Variants in ATOX1 observed in about 807,000 individuals in gnomAD.
ATOX1 encodes antioxidant 1 copper chaperone, also known as copper transport protein ATOX1.
ATOX1 carries 4 observed loss-of-function variants against 7.3 expected under a neutral mutation model. The ratio of observed to expected loss-of-function variants is 0.55; its 90% confidence interval spans 0.27 to 1.25. The LOEUF (loss-of-function observed/expected upper bound fraction) is 1.25. ATOX1 is among the 50% of genes most tolerant of loss of function. ATOX1 has a pLI of 0.12. For missense variants in ATOX1, 68 were observed against 81.6 expected, an observed-to-expected ratio of 0.83 and a Z score of 0.64; for synonymous variants, 25 against 28.7, an observed-to-expected ratio of 0.87 and a Z score of 0.41.
At chr5:151,754,884 T>G (rs1761993845) in intron 1 of ATOX1, among the ~76,000 whole-genome samples, 1 of 147,334 alleles carries the variant, frequency 6.8e-6, no homozygotes. Context: ...CTCAAGAGGC[T>G]GAGGCAGGAG....
At position 151,746,529 on chromosome 5, in the gene ATOX1, A is replaced by G. The variant is rs1761881427; in HGVS notation, c.83-80T>C. The G allele has an allele frequency of 3.8e-6, 6 of 1,575,284 alleles. No individual in the cohort carries two copies. In the South Asian group the frequency reaches 4.5e-5, roughly 12 times the overall value. On this transcript the variant is annotated intron_variant, in intron 2 of 3. Transcript: ENST00000313115. ...CAGCAAGAAAGAGTTCAGGCTCTAA[A>G]TTACTACTCACAACCACCCTTGCCC...
At chr5:151,749,574 C>T (rs1248867061) in intron 2 of ATOX1, among the ~76,000 whole-genome samples, 1 of 151,278 alleles carries the variant, frequency 6.6e-6, no homozygotes, top group Non-Finnish European at 1.5e-5. Context: ...TCGCTTGAAC[C>T]CGGGGCAGAG....
intron 1 of ATOX1, chr5:151,752,442 A>G: frequency 2.9e-6 from 2 of 693,550 alleles, no homozygotes; most frequent in Non-Finnish European, 5.2e-6. Context: ...TAAGCTCTAC[A>G]TTCTACAGTC....
At chr5:151,752,271 G>A (rs1761961319) in intron 1 of ATOX1, 1 of 702,554 alleles carries the variant, frequency 1.4e-6, no homozygotes, top group South Asian at 1.5e-5. Context: ...TCTGGGCTGG[G>A]GAATCTGTTA....
intron 1 of ATOX1, among the ~76,000 whole-genome samples, chr5:151,754,914 C>T (rs1473912473): frequency 4.4e-5 from 6 of 137,768 alleles, no homozygotes; most frequent in South Asian, 2.4e-4. Flanking sequence ...ACCCAGGAGG[C>T]GGAGGTTGCA....
chr5:151,757,869 C>A (rs909365453), intron 1 of ATOX1, among the ~76,000 whole-genome samples: 4 of 152,166 alleles, frequency 2.6e-5, no homozygotes. Flanking sequence ...AACGAGGCCA[C>A]GAGCAACAAT....
chr5:151,744,287 C>T (rs1761856240), intron 3 of ATOX1: 1 of 152,178 alleles, frequency 6.6e-6, no homozygotes, highest in Admixed American at 6.5e-5. Flanking sequence ...TAGACTTTAA[C>T]CCATTTATGC....
In ATOX1 at chr5:151,752,566, G is replaced by A; in HGVS notation, c.7-787C>T. 5 of 519,768 alleles carry A rather than the reference G, an allele frequency of 9.6e-6. No individual in the cohort carries two copies. The East Asian group carries it at 1.5e-4, about 16-fold the overall frequency. The allele number at this position is 519,768 out of a possible 1,614,324, so 32.2% of individuals were successfully genotyped here. ...GGAACAGTGCCTGGACAGAGTAGGTGCTTAAAACTTATTTTTGAGTCAATG... is the reference window on the plus strand; with the variant it reads ...GGAACAGTGCCTGGACAGAGTAGGTACTTAAAACTTATTTTTGAGTCAATG... On this transcript the variant is annotated intron_variant, in intron 1 of 3. Coordinates refer to ENST00000313115, the MANE Select transcript of ATOX1 (RefSeq NM_004045.4).
intron 3 of ATOX1, chr5:151,744,324 G>A (rs1405089903): frequency 3.3e-5 from 5 of 152,214 alleles, no homozygotes; most frequent in African/African-American, 7.2e-5. Flanking sequence ...GGAACGCTAA[G>A]CTTGCAGGAG....
chr5:151,756,269 G>A lies in ATOX1; in HGVS notation c.6+2277C>T, dbSNP rs76839662. ...TTATTATCCCTTCTTGACAGATGAG[G>A]AAACTGAGATTTAGGGGTTAGTTCA... On this transcript the variant is annotated intron_variant, in intron 1 of 3. Coordinates refer to ENST00000313115, the MANE Select transcript of ATOX1 (RefSeq NM_004045.4). 2.8e-3 allele frequency among the ~76,000 whole-genome samples: 421 copies of A among 151,860 alleles called. 3 individuals are homozygous for A. The highest frequency in any genetic ancestry group is 5.0e-3 in the Non-Finnish European group (337 of 67,904).
chr5:151,751,580 G>A (rs1446926390), intron 2 of ATOX1, 124 bp downstream of exon 2: 20 of 911,618 alleles, frequency 2.2e-5, no homozygotes, highest in South Asian at 8.9e-5. Context: ...TAGTTGGCAC[G>A]TGCTAAGTAC....
chr5:151,749,066 C>T (rs1761911765), intron 2 of ATOX1, among the ~76,000 whole-genome samples: 1 of 152,090 alleles, frequency 6.6e-6, no homozygotes, highest in South Asian at 2.1e-4. Flanking sequence ...CCACTGCACT[C>T]CAGCCTGGAT....
intron 2 of ATOX1, 117 bp downstream of exon 2, chr5:151,751,587 G>T: frequency 9.9e-7 from 1 of 1,014,218 alleles, no homozygotes; most frequent in Non-Finnish European, 1.5e-6. Flanking sequence ...CACGTGCTAA[G>T]TACTCAATAT....
At chr5:151,749,223 C>T (rs940960094) in intron 2 of ATOX1, among the ~76,000 whole-genome samples, 1 of 151,850 alleles carries the variant, frequency 6.6e-6, no homozygotes, top group Admixed American at 6.6e-5. Context: ...CGGTGGCTCA[C>T]GCCTGTAATC....
At chr5:151,744,732 T>C (rs1428130783) in intron 3 of ATOX1, 3 of 152,182 alleles carry the variant, frequency 2.0e-5, no homozygotes, top group African/African-American at 4.8e-5. Context: ...TTGGGAGCTA[T>C]GGAGGGTCCA....
chr5:151,755,092 G>A (rs944190171), intron 1 of ATOX1, among the ~76,000 whole-genome samples: 1 of 151,686 alleles, frequency 6.6e-6, no homozygotes, highest in African/African-American at 2.4e-5. Flanking sequence ...GAGACCCTAT[G>A]GTTTGTGAAG....
At chr5:151,748,822 C>T (rs1370548328) in intron 2 of ATOX1, among the ~76,000 whole-genome samples, 4 of 152,100 alleles carry the variant, frequency 2.6e-5, no homozygotes, top group Non-Finnish European at 4.4e-5. Flanking sequence ...GATCATGCCA[C>T]TGCACTCCAG....
At chr5:151,753,240 C>T (rs1241861309) in intron 1 of ATOX1, among the ~76,000 whole-genome samples, 3 of 152,232 alleles carry the variant, frequency 2.0e-5, no homozygotes, top group South Asian at 2.1e-4. Context: ...CTCACTGCAG[C>T]TTTATGAGAG....
At chr5:151,758,479 C>T (rs1762043016) in intron 1 of ATOX1, 67 bp downstream of exon 1, 7 of 1,459,046 alleles carry the variant, frequency 4.8e-6, no homozygotes, top group Non-Finnish European at 6.4e-6. Context: ...TCCGGTCAAG[C>T]GGCTGTGCAG....
Sources: gnomAD v4.1 joint callset for allele counts (sites outside exome capture counted in the v4.1 genomes callset) on GRCh38, gnomAD v4.1.1 for gene constraint, MANE v1.5 for transcripts, NCBI Gene and HGNC (gene_info 2026-07-23, HGNC 2026-07-21) for gene names.